Variants in EGF observed in about 807,000 individuals in gnomAD.
EGF encodes pro-epidermal growth factor.
Under a neutral mutation model 143.8 loss-of-function variants are expected in EGF, and 95 were observed. The ratio of observed to expected loss-of-function variants is 0.66; its 90% CI spans 0.56 to 0.78. The LOEUF is 0.78. Among genes scored for constraint, EGF ranks in the 30% least tolerant of loss-of-function variants. The pLI, the probability that EGF is intolerant of heterozygous loss-of-function variation, is 0.00. For missense variants in EGF, 1,320 were observed against 1,470.9 expected (o/e 0.90, Z 1.68); for synonymous variants, 510 against 510.5 (o/e 1.00, Z 0.01).
At chr4:109,966,971 A>G (rs1474232076) in intron 10 of EGF, among the ~76,000 whole-genome samples, 2 of 151,862 alleles carry the variant, frequency 1.3e-5, no homozygotes, top group East Asian at 1.9e-4. Flanking sequence ...GTTTGCAAGT[A>G]TTTTCTCCCA....
intron 23 of EGF, among the ~76,000 whole-genome samples, chr4:110,009,084 A>T (rs978627604): frequency 3.9e-5 from 6 of 152,192 alleles, no homozygotes; most frequent in African/African-American, 1.4e-4. Context: ...TCTTTCTGGA[A>T]AGAACATAGG....
intron 11 of EGF, among the ~76,000 whole-genome samples, chr4:109,969,587 G>T (rs1747243059): frequency 6.6e-6 from 1 of 151,642 alleles, no homozygotes; most frequent in African/African-American, 2.4e-5. Context: ...ATGTATCCCA[G>T]AACTTAAAAT....
intron 18 of EGF, 68 bp downstream of exon 18, chr4:109,988,777 G>A (rs1750526850): frequency 1.2e-6 from 2 of 1,607,012 alleles, no homozygotes; most frequent in Non-Finnish European, 1.7e-6. Context: ...CAATGTGGGT[G>A]CATGAGCAGA....
chr4:109,951,309 G>T (rs945580056), intron 5 of EGF, among the ~76,000 whole-genome samples: 1 of 152,088 alleles, frequency 6.6e-6, no homozygotes, highest in Non-Finnish European at 1.5e-5. Context: ...AGTGAGCCAA[G>T]ATCAGGCCAC....
At chr4:109,913,762 T>A (rs1190274557) in intron 1 of EGF, among the ~76,000 whole-genome samples, 1 of 151,934 alleles carries the variant, frequency 6.6e-6, no homozygotes, top group Non-Finnish European at 1.5e-5. Flanking sequence ...ACAAGAGGAG[T>A]AATTAACACC....
At chr4:109,961,136 C>A in intron 7 of EGF, 147 bp downstream of exon 7, 2 of 880,190 alleles carry the variant, frequency 2.3e-6, no homozygotes, top group Non-Finnish European at 1.8e-6. Context: ...CTTTTTAAAA[C>A]ATGGATGACT....
chr4:109,999,745 C>G lies in EGF; in HGVS notation c.3072C>G (p.His1024Gln). 6.2e-7 allele frequency: 1 copy of G among 1,614,022 alleles called. No individual in the cohort carries two copies. The change falls in exon 21 of 24, where the codon CAC becomes CAG. Residue 1024 changes from histidine to glutamine, a missense_variant. By Grantham distance (24) the His-to-Gln change is conservative. Transcript: ENST00000265171. ...YRDLKWWELR[H>Q]AGHGQQQKVI... is the part of the protein sequence containing the mutation. Reference sequence around the variant, plus strand: ...ACCTGAAGTGGTGGGAACTGCGCCACGCTGGCCACGGGCAGCAGCAGAAGG... The same window carrying G: ...ACCTGAAGTGGTGGGAACTGCGCCAGGCTGGCCACGGGCAGCAGCAGAAGG...
chr4:109,918,777 G>A (rs1199754278), intron 1 of EGF, among the ~76,000 whole-genome samples: 1 of 152,210 alleles, frequency 6.6e-6, no homozygotes, highest in East Asian at 1.9e-4. Context: ...GTTGGGGCAA[G>A]GGCAGGGGCT....
intron 22 of EGF, among the ~76,000 whole-genome samples, chr4:110,006,859 G>C (rs1251194052): frequency 6.6e-6 from 1 of 152,182 alleles, no homozygotes; most frequent in East Asian, 1.9e-4. Flanking sequence ...CAGTGGGAGT[G>C]GGAGAGAGCT....
At position 109,968,973 on chromosome 4, in the gene EGF, A is replaced by G; in HGVS notation, c.1578A>G (p.Ile526Met). Reference protein sequence around the residue: ...ALDHDPVENKIYFAHTALKWI... With the variant: ...ALDHDPVENKMYFAHTALKWI... ...AATGCCTGTGTTCTCTTTTGTAGAT[A>G]TACTTTGCCCATACAGCCCTGAAGT... is the stretch of plus-strand genomic sequence containing the variant. The change falls in exon 11 of 24, where the codon ATA (isoleucine) becomes ATG (methionine). Residue 526 changes from isoleucine to methionine, a missense_variant and splice_region_variant. Ile to Met is a conservative substitution (Grantham distance 10). This residue lies in a region of EGF where 1,186 missense variants were observed against 1,313.7 expected (regional missense o/e 0.90). Coordinates refer to ENST00000265171, the MANE Select transcript of EGF (RefSeq NM_001963.6). 1 of 1,614,140 alleles carries G rather than the reference A, an allele frequency of 6.2e-7. No individual in the cohort carries two copies. The highest frequency in any genetic ancestry group is 2.2e-5 in the East Asian group (1 of 44,874).
At chr4:109,999,604 T>C in intron 20 of EGF, 75 bp from the exon 21 acceptor site, 1 of 1,583,702 alleles carries the variant, frequency 6.3e-7, no homozygotes, top group South Asian at 1.1e-5. Flanking sequence ...GAGAGACAGC[T>C]GAATACTGAG....
chr4:109,953,809 G>A (rs1579590941), intron 5 of EGF, among the ~76,000 whole-genome samples: 1 of 152,200 alleles, frequency 6.6e-6, no homozygotes, highest in Non-Finnish European at 1.5e-5. Context: ...CTGGACTCAC[G>A]CAGCCACTTC....
chr4:109,926,599 C>T (rs904812338), intron 1 of EGF, among the ~76,000 whole-genome samples: 4 of 152,080 alleles, frequency 2.6e-5, no homozygotes, highest in Non-Finnish European at 4.4e-5. Context: ...CCTCGTGGTC[C>T]GCCTGCCTCG....
At chr4:109,972,092 C>T (rs911005214) in intron 11 of EGF, among the ~76,000 whole-genome samples, 51 of 151,820 alleles carry the variant, frequency 3.4e-4, no homozygotes, top group Admixed American at 1.1e-3. Flanking sequence ...CACCTCTTAC[C>T]CTAGAAGGAG....
intron 20 of EGF, among the ~76,000 whole-genome samples, chr4:109,998,790 G>T (rs957957550): frequency 2.6e-5 from 4 of 152,186 alleles, no homozygotes; most frequent in African/African-American, 9.7e-5. Context: ...ATAAAGTGGG[G>T]ACATGGATGA....
At chr4:109,959,096 G>T in intron 5 of EGF, 1 of 591,618 alleles carries the variant, frequency 1.7e-6, no homozygotes, top group Non-Finnish European at 2.9e-6. Context: ...TAATCAGGAT[G>T]CCCAATCCTG....
At chr4:110,000,719 A>G (rs984172491) in intron 21 of EGF, among the ~76,000 whole-genome samples, 19 of 152,254 alleles carry the variant, frequency 1.2e-4, no homozygotes, top group African/African-American at 4.1e-4. Flanking sequence ...TTTCTTAGAA[A>G]GTAGGACAGC....
At chr4:109,972,261 G>C (rs1747777945) in intron 11 of EGF, among the ~76,000 whole-genome samples, 1 of 152,186 alleles carries the variant, frequency 6.6e-6, no homozygotes. Context: ...ACTGGAGTTT[G>C]AGATTTGCTC....
chr4:109,938,785 G>A (rs1741369940), intron 1 of EGF, among the ~76,000 whole-genome samples: 1 of 152,238 alleles, frequency 6.6e-6, no homozygotes, highest in African/African-American at 2.4e-5. Context: ...CTCAGCTGCA[G>A]ATCTGTTGGA....
Sources: gnomAD v4.1 joint callset for allele counts (sites outside exome capture counted in the v4.1 genomes callset) on GRCh38, gnomAD v4.1.1 for gene constraint, gnomAD v4.1.1 regional missense constraint, MANE v1.5 for transcripts, NCBI Gene and HGNC (gene_info 2026-07-23, HGNC 2026-07-21) for gene names.